The following NDE1 variants were observed in gnomAD, a reference collection of about 807,000 sequenced individuals.
NDE1 encodes the protein nuclear distribution protein nudE homolog 1.
In NDE1, 28 loss-of-function variants were observed where a neutral mutation model predicts 43.4. That is an observed-to-expected ratio of 0.65 (90% CI 0.48 to 0.89). The LOEUF (loss-of-function observed/expected upper bound fraction) is 0.89, where lower values mean the gene tolerates loss of function less well. Ranked by LOEUF, NDE1 falls within the 40% of genes least tolerant of loss-of-function variation. The pLI, the probability that NDE1 is intolerant of heterozygous loss-of-function variation, is 0.00. For synonymous variants in NDE1, 184 were observed against 172.0 expected (o/e 1.07, Z -0.55); for missense variants, 441 against 434.1 (o/e 1.02, Z -0.14).
chr16:15,647,196 T>A (rs780732842), upstream of NDE1, among the ~76,000 whole-genome samples: 2 of 152,232 alleles, frequency 1.3e-5, no homozygotes, highest in Non-Finnish European at 2.9e-5. Context: ...GGTTCCCCTT[T>A]GTGCCTCTAA....
chr16:15,702,995 T>G (rs2039272114), intron 8 of NDE1, among the ~76,000 whole-genome samples: 1 of 152,086 alleles, frequency 6.6e-6, no homozygotes, highest in South Asian at 2.1e-4. Flanking sequence ...GGCAATTGAT[T>G]TCACCTCTCT....
intron 1 of NDE1, among the ~76,000 whole-genome samples, chr16:15,663,584 A>G (rs1255526509): frequency 6.6e-6 from 1 of 152,090 alleles, no homozygotes; most frequent in East Asian, 1.9e-4. Flanking sequence ...CGCCTCTTCT[A>G]GGAAGCCTTC....
In NDE1 at chr16:15,724,348, C is replaced by T. The variant is rs2040638571; in HGVS notation, c.*97C>T. The T allele has an allele frequency of 1.2e-6, 2 of 1,614,044 alleles. No individual in the cohort carries two copies. The highest frequency in any genetic ancestry group is 1.7e-5 in the Admixed American group (1 of 60,000). ...GATCTCCTTCTGGAACCTCTTCTTCCCCTCTTCCAGAGCTTCCACGGTGCT... is the reference window on the plus strand; with the variant it reads ...GATCTCCTTCTGGAACCTCTTCTTCTCCTCTTCCAGAGCTTCCACGGTGCT... On this transcript the variant is annotated 3_prime_UTR_variant, in exon 9 of 9. Transcript: ENST00000396354.
intron 8 of NDE1, chr16:15,719,063 G>A (rs1008022610): frequency 8.4e-6 from 6 of 715,746 alleles, no homozygotes; most frequent in East Asian, 2.7e-5. Flanking sequence ...GGGAGGTGGA[G>A]GTTGCAGTGA....
chr16:15,690,353 C>CTTTTTTTTTTTTTTTTTTTTTT lies in NDE1; in HGVS notation c.524-784_524-763dup, dbSNP rs869069843. On this transcript the variant is annotated intron_variant, in intron 5 of 8. Coordinates refer to ENST00000396354, the MANE Select transcript of NDE1 (RefSeq NM_017668.3). ...GCAACTGGCCTTTTTTTTTTTTTTT[C>CTTTTTTTTTTTTTTTTTTTTTT]TTTTTTTTTTTTTTTTTTTTTTTTT... Among the ~76,000 whole-genome samples the CTTTTTTTTTTTTTTTTTTTTTT allele has an allele frequency of 2.3e-4, 19 of 80,986 alleles. 1 individual carries two copies. Among genetic ancestry groups the CTTTTTTTTTTTTTTTTTTTTTT allele is most frequent in the Admixed American group, 3.9e-4 (2 of 5,170 alleles). 53.1% of individuals were successfully genotyped at this position (80,986 alleles called of 152,430 possible). A position where few individuals can be genotyped will look rare whatever the true frequency, so the allele number is the denominator to read the frequency against.
rs1019265305 is a variant in NDE1, at chr16:15,720,945, T to C, written c.948-3246T>C. The C allele has an allele frequency of 3.7e-6, 6 of 1,613,942 alleles. No homozygotes were observed. In the African/African-American group the frequency reaches 4.0e-5, roughly 11 times the overall value. ...CTGCATGTTGACTTCCAGCCGCAGT[T>C]TGGCGTCCTCCGTGGCTTGCAGCTC... On this transcript the variant is annotated intron_variant, in intron 8 of 8. Coordinates refer to ENST00000396354, the MANE Select transcript of NDE1 (RefSeq NM_017668.3).
At chr16:15,667,202 C>T (rs1030227869) in intron 2 of NDE1, 84 bp from the exon 3 acceptor site, 13 of 1,460,390 alleles carry the variant, frequency 8.9e-6, no homozygotes, top group Admixed American at 1.7e-5. Flanking sequence ...GACGAGATTG[C>T]AGCACTGCAT....
rs545218927 is a variant in NDE1, at chr16:15,644,445, C to T, written c.-166+518C>T. Among the ~76,000 whole-genome samples the T allele has an allele frequency of 4.6e-5, 7 of 152,312 alleles. No individual in the cohort carries two copies. The South Asian group carries it at 8.3e-4, about 18-fold the overall frequency. On this transcript the variant is annotated intron_variant, in intron 1 of 9. Coordinates refer to the NDE1 transcript ENST00000396355. ...TTCCAGAAGGCAGATGACAAGCACA[C>T]ATCCTCTCCCTGCGTAGGTATTTAT...
intron 8 of NDE1, chr16:15,715,416 T>A: frequency 1.3e-6 from 1 of 754,558 alleles, no homozygotes; most frequent in Non-Finnish European, 2.3e-6. Flanking sequence ...GGTGGAATAG[T>A]ATTCAGCCAT....
At chr16:15,644,546 G>C (rs1432657172) in intron 1 of NDE1, among the ~76,000 whole-genome samples, 1 of 152,308 alleles carries the variant, frequency 6.6e-6, no homozygotes, top group African/African-American at 2.4e-5. Context: ...GAGAGGCTAC[G>C]GAGGGAGGAT....
intron 8 of NDE1, chr16:15,703,920 G>T: frequency 1.9e-6 from 3 of 1,604,198 alleles, no homozygotes; most frequent in South Asian, 1.1e-5. Flanking sequence ...CTGGGTTGTT[G>T]TTGGGTTTTT....
rs570029318 is a variant in NDE1, at chr16:15,693,003, C to CTT, written c.704-1148_704-1147dup. On this transcript the variant is annotated intron_variant, in intron 6 of 8. Coordinates refer to ENST00000396354, the MANE Select transcript of NDE1 (RefSeq NM_017668.3). ...GGTGGGGCCTGAAATTTCTTTCTCT[C>CTT]TTTTTTTTTTTTTTTGAGACAAAGT... is the stretch of plus-strand genomic sequence containing the variant. Among the ~76,000 whole-genome samples, 547 of 130,914 alleles carry CTT rather than the reference C, an allele frequency of 4.2e-3. 7 individuals carry two copies. The highest frequency in any genetic ancestry group is 0.014 in the African/African-American group (494 of 35,846). 85.9% of individuals were successfully genotyped at this position (130,914 alleles called of 152,430 possible).
At chr16:15,646,646 C>T (rs1301948620), upstream of NDE1, among the ~76,000 whole-genome samples, 1 of 151,908 alleles carries the variant, frequency 6.6e-6, no homozygotes, top group Non-Finnish European at 1.5e-5. Context: ...GCAGGAGAAT[C>T]GCTTGAACTG....
At chr16:15,696,121 TGGTTGAG>T (rs2038998422) in intron 7 of NDE1, 2 of 151,818 alleles carry the variant, frequency 1.3e-5, no homozygotes, top group African/African-American at 2.4e-5. Flanking sequence ...GTGGAAGGAT[TGGTTGAG>T]GCTGCAGTGA....
At chr16:15,704,716 T>C (rs1458355955) in intron 8 of NDE1, among the ~76,000 whole-genome samples, 1 of 152,126 alleles carries the variant, frequency 6.6e-6, no homozygotes, top group Non-Finnish European at 1.5e-5. Flanking sequence ...TGAATGTTCA[T>C]GGACTGAGTT....
At chr16:15,711,199 CCT>C (rs1452388053) in intron 8 of NDE1, 8 of 152,238 alleles carry the variant, frequency 5.3e-5, no homozygotes, top group African/African-American at 1.2e-4. Context: ...TGGACTTTTC[CCT>C]GTCTCACGCA....
At chr16:15,718,380 C>G (rs1255151226) in intron 8 of NDE1, 9 of 1,605,460 alleles carry the variant, frequency 5.6e-6, no homozygotes, top group South Asian at 2.2e-5. Context: ...TCCTCCAGCT[C>G]CTCCTCCAGC....
intron 8 of NDE1, chr16:15,719,431 C>G (rs1015481365): frequency 6.8e-7 from 1 of 1,473,650 alleles, no homozygotes; most frequent in South Asian, 1.1e-5. Flanking sequence ...GGGGAGGCCC[C>G]GTGAATACAT....
At chr16:15,689,938 CAAAAAAA>C (rs34081814) in intron 5 of NDE1, among the ~76,000 whole-genome samples, 1 of 95,086 alleles carries the variant, frequency 1.1e-5, no homozygotes, top group East Asian at 3.0e-4. Flanking sequence ...AACTCCATCT[CAAAAAAA>C]AAAAAAAAAA....
Sources: gnomAD v4.1 joint callset for allele counts (sites outside exome capture counted in the v4.1 genomes callset) on GRCh38, gnomAD v4.1.1 for gene constraint, MANE v1.5 for transcripts, NCBI Gene and HGNC (gene_info 2026-07-23, HGNC 2026-07-21) for gene names.